Variants in MTCL2 observed in about 807,000 individuals in gnomAD.
MTCL2 encodes microtubule crosslinking factor 2, also known as microtubule cross-linking factor 2.
At chr20:36,833,725 C>T in the MTCL2 span, among the ~76,000 whole-genome samples, 1 of 152,212 alleles carries the variant, frequency 6.6e-6, no homozygotes, top group Non-Finnish European at 1.5e-5. Context: ...ATGGTGTGTG[C>T]CTGCAGTATC....
chr20:36,841,874 G>GGGGGTGT, the MTCL2 span, among the ~76,000 whole-genome samples: 54 of 110,862 alleles, frequency 4.9e-4, no homozygotes, highest in African/African-American at 1.6e-3. Context: ...TGGGGGGTGG[G>GGGGGTGT]GTGTGTGTGT....
At chr20:36,813,923 A>T in the MTCL2 span, among the ~76,000 whole-genome samples, 1 of 152,118 alleles carries the variant, frequency 6.6e-6, no homozygotes, top group East Asian at 1.9e-4. Context: ...TGTCCTGGAC[A>T]CACCACGCTC....
At chr20:36,808,361 A>C in the MTCL2 span, among the ~76,000 whole-genome samples, 3 of 150,848 alleles carry the variant, frequency 2.0e-5, no homozygotes. Flanking sequence ...CTCGGAAAAA[A>C]AAAAAAAAAA....
At chr20:36,794,482 C>T in the MTCL2 span, 1 of 1,614,034 alleles carries the variant, frequency 6.2e-7, no homozygotes, top group Non-Finnish European at 8.5e-7. The surrounding 1 kb of genome is among the most constrained non-coding windows in gnomAD (Gnocchi z 5.4). Flanking sequence ...GCTCGGAGCT[C>T]ACAAAGCCAA....
At chr20:36,800,854 A>G in the MTCL2 span, among the ~76,000 whole-genome samples, 1 of 152,146 alleles carries the variant, frequency 6.6e-6, no homozygotes, top group Admixed American at 6.5e-5. Flanking sequence ...TGTCCTTCTC[A>G]CTGTGCAGCT....
the MTCL2 span, chr20:36,805,702 T>G: frequency 1.5e-6 from 1 of 646,844 alleles, no homozygotes; most frequent in South Asian, 2.1e-5. Context: ...CAGTCCATCA[T>G]CTGGACTCTG....
chr20:36,808,819 G>T, the MTCL2 span: 1 of 1,360,482 alleles, frequency 7.4e-7, no homozygotes, highest in Non-Finnish European at 9.9e-7. Flanking sequence ...CCTGGACAGG[G>T]GCAGGGAGGA....
the MTCL2 span, among the ~76,000 whole-genome samples, chr20:36,856,301 GC>G: frequency 6.6e-6 from 1 of 152,122 alleles, no homozygotes; most frequent in African/African-American, 2.4e-5. Context: ...CAGGAAGTCT[GC>G]CAAGTCCCTC....
the MTCL2 span, among the ~76,000 whole-genome samples, chr20:36,800,659 G>A: frequency 6.6e-6 from 1 of 152,322 alleles, no homozygotes; most frequent in South Asian, 2.1e-4. Context: ...TTGAAGTACT[G>A]AAGAGAACAT....
At chr20:36,808,731 G>A in the MTCL2 span, 2 of 1,593,712 alleles carry the variant, frequency 1.3e-6, no homozygotes, top group Non-Finnish European at 1.7e-6. Flanking sequence ...GCCCTCTGCT[G>A]GTCCTCCTTC....
At chr20:36,803,111 C>T in the MTCL2 span, 17 of 1,595,150 alleles carry the variant, frequency 1.1e-5, no homozygotes, top group East Asian at 2.3e-5. Flanking sequence ...GCTCCATCTG[C>T]GGAAAGAAGC....
At chr20:36,834,582 G>A in the MTCL2 span, among the ~76,000 whole-genome samples, 1 of 151,898 alleles carries the variant, frequency 6.6e-6, no homozygotes, top group African/African-American at 2.4e-5. Context: ...GCCTACCCTC[G>A]CCCCCAGACT....
the MTCL2 span, among the ~76,000 whole-genome samples, chr20:36,807,858 A>T: frequency 7.3e-6 from 1 of 136,994 alleles, no homozygotes; most frequent in African/African-American, 2.7e-5. Flanking sequence ...ACATGGAGAA[A>T]CCCTGTCTTT....
chr20:36,787,103 C>T, the MTCL2 span, among the ~76,000 whole-genome samples: 1 of 151,838 alleles, frequency 6.6e-6, no homozygotes, highest in African/African-American at 2.4e-5. Flanking sequence ...CTGGAATTAG[C>T]ACCTTTGGGT....
At chr20:36,808,434 C>T in the MTCL2 span, 1 of 1,208,458 alleles carries the variant, frequency 8.3e-7, no homozygotes, top group Non-Finnish European at 1.2e-6. Context: ...GGAGTTGTGT[C>T]AATACCAGCT....
At chr20:36,802,601 T>C in the MTCL2 span, among the ~76,000 whole-genome samples, 1 of 152,232 alleles carries the variant, frequency 6.6e-6, no homozygotes, top group East Asian at 1.9e-4. Flanking sequence ...GTGGCCATAT[T>C]TGGGAATAGC....
the MTCL2 span, among the ~76,000 whole-genome samples, chr20:36,822,077 C>G: frequency 1.3e-5 from 2 of 152,260 alleles, no homozygotes; most frequent in Non-Finnish European, 2.9e-5. Context: ...CCCACCTTAT[C>G]TAAGCCATGT....
chr20:36,858,516 A>T, the MTCL2 span, among the ~76,000 whole-genome samples: 1 of 138,250 alleles, frequency 7.2e-6, no homozygotes, highest in African/African-American at 2.7e-5. Context: ...ACACACACAC[A>T]CACACACGGC....
At chr20:36,812,122 A>G in the MTCL2 span, among the ~76,000 whole-genome samples, 1 of 152,244 alleles carries the variant, frequency 6.6e-6, no homozygotes, top group African/African-American at 2.4e-5. Context: ...CACTGGTAGA[A>G]CTGAGACTTG....
Sources: gnomAD v4.1 joint callset for allele counts (sites outside exome capture counted in the v4.1 genomes callset) on GRCh38, gnomAD v4.1.1 for gene constraint, Gnocchi (gnomAD v3.1) non-coding constraint, MANE v1.5 for transcripts, NCBI Gene and HGNC (gene_info 2026-07-23, HGNC 2026-07-21) for gene names.